The following DNAJC11 variants were observed in gnomAD, a reference collection of about 807,000 sequenced individuals.
DNAJC11 encodes dnaJ homolog subfamily C member 11.
DNAJC11 carries 15 observed loss-of-function variants against 78.6 expected under a neutral mutation model. The ratio of observed to expected loss-of-function variants is 0.19; its 90% CI spans 0.13 to 0.29. The LOEUF is 0.29. DNAJC11 is among the 10% of genes least tolerant of loss of function. DNAJC11 has a pLI of 1.00. For synonymous variants in DNAJC11, 292 were observed against 272.1 expected (o/e 1.07, Z -0.72); for missense variants, 547 against 709.6 (o/e 0.77, Z 2.60).
chr1:6,645,165 G>T lies in DNAJC11; in HGVS notation c.895-39C>A. Reference sequence around the variant, plus strand: ...GGGTGCAAGGATGCGTGGCTAGGGCGTGTGACTCTGTGGGGAGATGGGTAT... The same window carrying T: ...GGGTGCAAGGATGCGTGGCTAGGGCTTGTGACTCTGTGGGGAGATGGGTAT... On this transcript the variant is annotated intron_variant, in intron 8 of 15. Transcript: ENST00000377577. This position sits in a 1 kb window ranked among gnomAD's most constrained non-coding sequence, Gnocchi z 4.1. The T allele has an allele frequency of 6.6e-7, 1 of 1,515,172 alleles. No homozygotes were observed. Among genetic ancestry groups the T allele is most frequent in the Non-Finnish European group, 9.2e-7 (1 of 1,092,492 alleles). The allele number at this position is 1,515,172 out of a possible 1,614,324, so 93.9% of individuals were successfully genotyped here.
rs768208104 is a variant in DNAJC11 at position 6,637,354 on chromosome 1, C to T, written c.1382-14G>A. The T allele has an allele frequency of 3.7e-6, 6 of 1,614,228 alleles. No individual in the cohort carries two copies. Among genetic ancestry groups the T allele is most frequent in the South Asian group, 1.1e-5 (1 of 91,080 alleles). ...CGATGATGAGGCCTAAGGACAGACT[C>T]CGAGTAGAGGAAGGCCTCCTCCAGG... is the stretch of plus-strand genomic sequence containing the variant. On this transcript the variant is annotated splice_polypyrimidine_tract_variant and intron_variant, in intron 13 of 15. Coordinates refer to ENST00000377577, the MANE Select transcript of DNAJC11 (RefSeq NM_018198.4).
In DNAJC11 at chr1:6,690,417, C is replaced by T. The variant is rs541180904; in HGVS notation, c.73-9380G>A. On this transcript the variant is annotated intron_variant, in intron 1 of 15. Transcript: ENST00000377577. ...AAACTGTCTGGATTTTCTGGATGAA[C>T]GGGCTCAGACAGGTTAGGTAATTTG... is the stretch of plus-strand genomic sequence containing the variant. 4.7e-4 allele frequency among the ~76,000 whole-genome samples: 72 copies of T among 152,282 alleles called. No individual in the cohort carries two copies. The Middle Eastern group carries it at 0.014, about 29-fold the overall frequency.
At chr1:6,696,802 A>G (rs1642845970) in intron 1 of DNAJC11, among the ~76,000 whole-genome samples, 2 of 152,364 alleles carry the variant, frequency 1.3e-5, no homozygotes, top group South Asian at 4.1e-4. Context: ...TGTTTTTCCA[A>G]AAGTGTTTAA....
chr1:6,636,954 T>A (rs1641787855), intron 14 of DNAJC11, among the ~76,000 whole-genome samples: 1 of 152,180 alleles, frequency 6.6e-6, no homozygotes, highest in African/African-American at 2.4e-5. Context: ...GCTCAACCAA[T>A]CCTTCCGCTT....
chr1:6,657,612 C>T (rs6698073), intron 4 of DNAJC11, among the ~76,000 whole-genome samples: 54,098 of 152,098 alleles, frequency 0.36, 9,926 homozygotes, highest in African/African-American at 0.41. Flanking sequence ...GGTTGGTGAA[C>T]AGACTAAAGT....
chr1:6,693,249 C>T (rs980744891), intron 1 of DNAJC11, among the ~76,000 whole-genome samples: 1 of 152,098 alleles, frequency 6.6e-6, no homozygotes, highest in Non-Finnish European at 1.5e-5. Flanking sequence ...AGCATACATT[C>T]TAGCACTATG....
intron 1 of DNAJC11, among the ~76,000 whole-genome samples, chr1:6,700,594 TTCC>T (rs1299202996): frequency 3.3e-5 from 5 of 152,210 alleles, no homozygotes; most frequent in African/African-American, 1.2e-4. Flanking sequence ...ATGCCTTGGT[TTCC>T]TCAAGTGTAA....
At chr1:6,637,612 G>T in intron 12 of DNAJC11, 108 bp from the exon 13 acceptor site, 1 of 1,292,512 alleles carries the variant, frequency 7.7e-7, no homozygotes, top group Non-Finnish European at 1.1e-6. Context: ...ACTTGCTCAG[G>T]GCCTGGAAAG....
rs1309860883 is a variant in DNAJC11 at position 6,636,136 on chromosome 1, G to A, written c.1635C>T (p.Ala545=). 1 of 1,613,906 alleles carries A rather than the reference G, an allele frequency of 6.2e-7. No homozygotes were observed. The highest frequency in any genetic ancestry group is 8.5e-7 in the Non-Finnish European group (1 of 1,180,006). The change falls in exon 15 of 16, where the codon GCC becomes GCT. Residue 545 remains alanine, a synonymous_variant. Coordinates refer to ENST00000377577, the MANE Select transcript of DNAJC11 (RefSeq NM_018198.4). Reference sequence around the variant, plus strand: ...ACTCACACTGCTTTGGTATCCGGAGGGCCTCACTGTCCAGCACCATCACCT... The same window carrying A: ...ACTCACACTGCTTTGGTATCCGGAGAGCCTCACTGTCCAGCACCATCACCT... The part of the protein sequence containing the change: ...LHQVMVLDSE[A]LRIPKQSHRI...
At chr1:6,695,196 C>T (rs1307429289) in intron 1 of DNAJC11, among the ~76,000 whole-genome samples, 4 of 150,600 alleles carry the variant, frequency 2.7e-5, no homozygotes, top group Non-Finnish European at 3.0e-5. Context: ...AGTCTTGCTA[C>T]GTTATGCCAA....
intron 10 of DNAJC11, among the ~76,000 whole-genome samples, chr1:6,642,342 G>A (rs1211291220): frequency 6.6e-6 from 1 of 152,236 alleles, no homozygotes; most frequent in Non-Finnish European, 1.5e-5. Flanking sequence ...CAGGTTCCGT[G>A]GGGAGGGTGC....
rs1371758884 is a variant in DNAJC11, at chr1:6,635,716, C to T, written c.1655-16G>A. 1 of 1,614,112 alleles carries T rather than the reference C, an allele frequency of 6.2e-7. No individual in the cohort carries two copies. The highest frequency in any genetic ancestry group is 1.7e-5 in the Admixed American group (1 of 60,004). On this transcript the variant is annotated splice_polypyrimidine_tract_variant and intron_variant, in intron 15 of 15. Transcript: ENST00000377577. ...ATCCTGTGGGCTGTAAAGGAAAAGA[C>T]AGACGCAGGTGATCAGAAGGTGGCC...
chr1:6,699,752 A>AT (rs201093099), intron 1 of DNAJC11, among the ~76,000 whole-genome samples: 2 of 150,978 alleles, frequency 1.3e-5, no homozygotes, highest in African/African-American at 2.5e-5. Flanking sequence ...TTAAAGTATA[A>AT]TTTAAAAAAA....
intron 12 of DNAJC11, chr1:6,637,823 T>C (rs1211855125): frequency 6.3e-6 from 3 of 479,206 alleles, no homozygotes; most frequent in East Asian, 3.8e-5. Context: ...AAACAATGCG[T>C]TGTCAGCTTT....
intron 10 of DNAJC11, among the ~76,000 whole-genome samples, chr1:6,643,915 G>C (rs556488615): frequency 6.6e-6 from 1 of 152,094 alleles, no homozygotes; most frequent in Admixed American, 6.5e-5. Flanking sequence ...CTGTCACCCG[G>C]GCTGGAGTGC....
chr1:6,656,100 T>TCAAA (rs1553128291), intron 4 of DNAJC11, among the ~76,000 whole-genome samples: 1 of 88,884 alleles, frequency 1.1e-5, no homozygotes, highest in Admixed American at 1.4e-4. Context: ...AGACTCCGTC[T>TCAAA]AAAAAAAAAA....
intron 1 of DNAJC11, among the ~76,000 whole-genome samples, chr1:6,682,867 G>C (rs1324592840): frequency 6.6e-6 from 1 of 152,166 alleles, no homozygotes; most frequent in Admixed American, 6.5e-5. Flanking sequence ...TGAGGTTGCA[G>C]TGAGCTATGA....
At chr1:6,654,862 G>C (rs772345138) in intron 4 of DNAJC11, among the ~76,000 whole-genome samples, 2 of 151,046 alleles carry the variant, frequency 1.3e-5, no homozygotes, top group African/African-American at 2.4e-5. Context: ...GCAGTGGCAC[G>C]ATCTTGGCTC....
At chr1:6,637,408 AGC>A in intron 13 of DNAJC11, 37 bp downstream of exon 13, 1 of 1,614,072 alleles carries the variant, frequency 6.2e-7, no homozygotes, top group Non-Finnish European at 8.5e-7. Context: ...AGAGACCCCC[AGC>A]GCCCACCCTG....
Sources: allele counts gnomAD v4.1 joint callset (sites outside exome capture counted in the v4.1 genomes callset), GRCh38; gene constraint gnomAD v4.1.1; non-coding constraint Gnocchi (gnomAD v3.1); transcripts MANE v1.5; gene names NCBI Gene and HGNC (gene_info 2026-07-23, HGNC 2026-07-21).